Variants in EMB observed in about 807,000 individuals in gnomAD.
The protein encoded by EMB is embigin homolog.
EMB carries 31 observed loss-of-function variants against 41.4 expected under a neutral mutation model. The ratio of observed to expected loss-of-function variants is 0.75; its 90% CI spans 0.56 to 1.01. EMB has a LOEUF of 1.01. Among genes scored for constraint, EMB ranks in the 50% least tolerant of loss-of-function variants. The pLI is 0.00. For synonymous variants in EMB, 137 were observed against 140.4 expected (o/e 0.98, Z 0.17); for missense variants, 379 against 388.3 (o/e 0.98, Z 0.20).
chr5:50,429,968 T>TTCTCTCTC (rs780667856), intron 1 of EMB, among the ~76,000 whole-genome samples: 71 of 62,122 alleles, frequency 1.1e-3, no homozygotes, highest in South Asian at 7.1e-3. Flanking sequence ...CCAACTCTCT[T>TTCTCTCTC]TCTCTCTCTC....
intron 2 of EMB, among the ~76,000 whole-genome samples, chr5:50,422,092 GTTT>G (rs1012393011): frequency 6.6e-6 from 1 of 151,938 alleles, no homozygotes; most frequent in Non-Finnish European, 1.5e-5. Context: ...AAGAAAATCT[GTTT>G]TTTTAAAAAG....
intron 1 of EMB, among the ~76,000 whole-genome samples, chr5:50,437,239 C>A (rs1176902634): frequency 6.6e-6 from 1 of 151,834 alleles, no homozygotes; most frequent in Non-Finnish European, 1.5e-5. Context: ...CCTCGGTACT[C>A]CAGCCTGAGT....
At chr5:50,430,016 C>CAA (rs1293392439) in intron 1 of EMB, among the ~76,000 whole-genome samples, 1 of 151,566 alleles carries the variant, frequency 6.6e-6, no homozygotes, top group Non-Finnish European at 1.5e-5. Flanking sequence ...CACACACACA[C>CAA]ACACACACAA....
intron 2 of EMB, among the ~76,000 whole-genome samples, chr5:50,417,208 A>C (rs546186257): frequency 6.6e-6 from 1 of 152,218 alleles, no homozygotes; most frequent in East Asian, 1.9e-4. Flanking sequence ...ATGTCTATTA[A>C]ACATCCAGAA....
At chr5:50,401,943 C>T (rs1745169038) in intron 7 of EMB, among the ~76,000 whole-genome samples, 1 of 151,868 alleles carries the variant, frequency 6.6e-6, no homozygotes, top group African/African-American at 2.4e-5. Context: ...ATATTAAATA[C>T]TTCCTGATGG....
chr5:50,428,148 C>G lies in EMB; in HGVS notation c.192G>C (p.Leu64=). ...NFSLESHNIS[L]TEHSSMPVEK... is the part of the protein sequence containing the mutation. ...TTTGAAACATGATACATTTACCAGT[C>G]AGTGATATGTTATGACTCTCCAAGG... The change falls in exon 2 of 9, where the codon CTG becomes CTC. Residue 64 remains leucine (L), a synonymous_variant. Transcript: ENST00000303221. The G allele has an allele frequency of 6.3e-7, 1 of 1,595,822 alleles. No homozygotes were observed. Among genetic ancestry groups the G allele is most frequent in the South Asian group, 1.1e-5 (1 of 88,936 alleles).
chr5:50,409,128 G>T lies in EMB; in HGVS notation c.472+1749C>A, dbSNP rs567929471. Among the ~76,000 whole-genome samples, 6 of 152,196 alleles carry T rather than the reference G, an allele frequency of 3.9e-5. No homozygotes were observed. In the East Asian group the frequency reaches 1.2e-3, roughly 29 times the overall value. ...TTTAAATCCTAGGCCTTGGGTCAGC[G>T]CTGCTGACACCAGCCAAAATCAGCT... On this transcript the variant is annotated intron_variant, in intron 4 of 8. Transcript: ENST00000303221.
intron 6 of EMB, among the ~76,000 whole-genome samples, 162 bp from the exon 7 acceptor site, chr5:50,402,481 T>A (rs1441028001): frequency 6.6e-6 from 1 of 152,002 alleles, no homozygotes; most frequent in Non-Finnish European, 1.5e-5. Flanking sequence ...ACCTCCTTTA[T>A]CTGCACTACA....
chr5:50,423,555 CTG>C (rs1322307658), intron 2 of EMB, among the ~76,000 whole-genome samples: 1 of 152,124 alleles, frequency 6.6e-6, no homozygotes, highest in Non-Finnish European at 1.5e-5. Context: ...CTGTTAGGGA[CTG>C]TGTGCTTGTT....
intron 1 of EMB, among the ~76,000 whole-genome samples, chr5:50,436,573 A>T (rs1433599532): frequency 6.6e-6 from 1 of 152,130 alleles, no homozygotes; most frequent in African/African-American, 2.4e-5. Context: ...AACATCACCC[A>T]TCTGCTGCTC....
chr5:50,399,527 A>C (rs767918620), intron 8 of EMB, among the ~76,000 whole-genome samples: 1 of 152,020 alleles, frequency 6.6e-6, no homozygotes, highest in Non-Finnish European at 1.5e-5. Context: ...TGAAACTAAA[A>C]TAACAGAAAA....
Position 50,396,614 on chromosome 5 carries a change from G to T in EMB, c.*2659C>A, listed in dbSNP as rs1172360453. The T allele has an allele frequency of 6.6e-6, 1 of 152,256 alleles. No homozygotes were observed. The highest frequency in any genetic ancestry group is 1.9e-4 in the East Asian group (1 of 5,164). 9.4% of individuals were successfully genotyped at this position (152,256 alleles called of 1,614,324 possible). ...GCGGAATCTCCATGTGCCAAGTCTA[G>T]TTCAAGAGACTGGATAGAGATTAGC... On this transcript the variant is annotated 3_prime_UTR_variant, in exon 9 of 9. Transcript: ENST00000303221.
chr5:50,441,465 C>T (rs372078204), upstream of EMB: 2 of 220,760 alleles, frequency 9.1e-6, no homozygotes, highest in Non-Finnish European at 8.9e-6. Flanking sequence ...TCTAGCAGGT[C>T]GGGAGAGAGC....
chr5:50,434,529 ATAGCTATTAGCTATCTCATTGC>A (rs968387774), intron 1 of EMB, among the ~76,000 whole-genome samples: 1 of 152,222 alleles, frequency 6.6e-6, no homozygotes, highest in African/African-American at 2.4e-5. Flanking sequence ...GAAAACAGTT[ATAGCTATTAGCTATCTCATTGC>A]TTTTGGCTAA....
intron 4 of EMB, among the ~76,000 whole-genome samples, chr5:50,409,361 T>C (rs1049729340): frequency 2.0e-5 from 3 of 152,046 alleles, no homozygotes; most frequent in African/African-American, 7.2e-5. Context: ...GACTAGTATA[T>C]ATTTCCAGAG....
intron 5 of EMB, among the ~76,000 whole-genome samples, chr5:50,403,904 C>G (rs1319799067): frequency 2.0e-5 from 3 of 151,888 alleles, no homozygotes; most frequent in Non-Finnish European, 2.9e-5. Context: ...CTCACTCAGA[C>G]AATGTGATTT....
intron 2 of EMB, among the ~76,000 whole-genome samples, chr5:50,423,316 GGAGAA>G (rs1184304663): frequency 1.3e-5 from 2 of 152,104 alleles, no homozygotes; most frequent in African/African-American, 2.4e-5. Context: ...TTGTAAAAGA[GGAGAA>G]GAGAAGAGAG....
At chr5:50,403,968 A>C (rs571710250) in intron 5 of EMB, among the ~76,000 whole-genome samples, 58 of 152,052 alleles carry the variant, frequency 3.8e-4, no homozygotes, top group Non-Finnish European at 7.7e-4. Context: ...TGATGTAGAT[A>C]GAATGGAGGG....
chr5:50,408,502 T>C (rs559031051), intron 4 of EMB, among the ~76,000 whole-genome samples: 30 of 152,124 alleles, frequency 2.0e-4, no homozygotes, highest in African/African-American at 7.2e-4. Context: ...TTTACAACTT[T>C]GTAGTAGTAA....
Sources: allele counts gnomAD v4.1 joint callset (sites outside exome capture counted in the v4.1 genomes callset), GRCh38; gene constraint gnomAD v4.1.1; transcripts MANE v1.5; gene names NCBI Gene and HGNC (gene_info 2026-07-23, HGNC 2026-07-21).